CCSER1: variants seen among roughly 807,000 people sequenced by gnomAD.
The protein encoded by CCSER1 is serine-rich coiled-coil domain-containing protein 1.
Under a neutral mutation model 82.0 loss-of-function variants are expected in CCSER1, and 41 were observed. That is an observed-to-expected ratio of 0.50 (90% CI 0.39 to 0.65). CCSER1 has a LOEUF of 0.65. Among genes scored for constraint, CCSER1 ranks in the 30% least tolerant of loss-of-function variants. The pLI is 0.00. For missense variants in CCSER1, 1,119 were observed against 1,064.2 expected (o/e 1.05, Z -0.72); for synonymous variants, 414 against 383.9 (o/e 1.08, Z -0.92).
chr4:91,092,482 G>C (rs1581534229), intron 10 of CCSER1, among the ~76,000 whole-genome samples: 2 of 152,216 alleles, frequency 1.3e-5, no homozygotes, highest in South Asian at 4.1e-4. Flanking sequence ...CCATAGGCTT[G>C]TATGCCAGGA....
At chr4:90,882,711 G>A (rs1013725747) in intron 8 of CCSER1, among the ~76,000 whole-genome samples, 1 of 151,732 alleles carries the variant, frequency 6.6e-6, no homozygotes, top group Admixed American at 6.6e-5. Context: ...ACACTGAATA[G>A]CTTTTTCTAA....
At chr4:91,226,719 T>C (rs59031961) in intron 10 of CCSER1, among the ~76,000 whole-genome samples, 8,851 of 151,944 alleles carry the variant, frequency 0.058, 507 homozygotes, top group African/African-American at 0.15. Context: ...TGTCTCTTTC[T>C]CTTTTTCTTA....
At chr4:90,335,318 C>T (rs1442260725) in intron 3 of CCSER1, among the ~76,000 whole-genome samples, 1 of 152,094 alleles carries the variant, frequency 6.6e-6, no homozygotes, top group Non-Finnish European at 1.5e-5. Flanking sequence ...TTCACAAATC[C>T]AATTCATGCG....
chr4:91,422,920 A>G (rs1264393023), intron 10 of CCSER1, among the ~76,000 whole-genome samples: 1 of 152,280 alleles, frequency 6.6e-6, no homozygotes, highest in East Asian at 1.9e-4. Flanking sequence ...TTCAATGTCA[A>G]CTTTTTAACA....
intron 3 of CCSER1, among the ~76,000 whole-genome samples, chr4:90,386,468 C>G (rs551119131): frequency 2.0e-4 from 31 of 152,048 alleles, no homozygotes; most frequent in African/African-American, 7.5e-4. Flanking sequence ...GAAACTGGAT[C>G]CCTATCACTC....
chr4:91,232,109 A>G (rs1738672245), intron 10 of CCSER1, among the ~76,000 whole-genome samples: 3 of 151,872 alleles, frequency 2.0e-5, no homozygotes, highest in Admixed American at 6.6e-5. Flanking sequence ...TGGCAAGGAT[A>G]TAGAACACAC....
chr4:90,791,369 C>T (rs1334757221), intron 7 of CCSER1, among the ~76,000 whole-genome samples: 1 of 151,984 alleles, frequency 6.6e-6, no homozygotes. Flanking sequence ...AAAGAAGAGT[C>T]AACAAATGTG....
chr4:91,278,635 T>C (rs1742661079), intron 10 of CCSER1, among the ~76,000 whole-genome samples: 1 of 152,142 alleles, frequency 6.6e-6, no homozygotes, highest in Non-Finnish European at 1.5e-5. Context: ...TGTTTTTGCC[T>C]TTAGCCAGTC....
chr4:91,218,751 A>G lies in CCSER1; in HGVS notation c.2217+132757A>G, dbSNP rs79685227. Among the ~76,000 whole-genome samples, 600 of 152,310 alleles carry G rather than the reference A, an allele frequency of 3.9e-3. 2 individuals carry two copies. Among genetic ancestry groups the G allele is most frequent in the African/African-American group, 0.014 (592 of 41,570 alleles). ...CATCGATCCTTCACCCACAGTAAGA[A>G]TATCGATAATATTGCCTTGCTTATA... On this transcript the variant is annotated intron_variant, in intron 10 of 10. Coordinates refer to ENST00000509176, the MANE Select transcript of CCSER1 (RefSeq NM_001145065.2).
intron 8 of CCSER1, among the ~76,000 whole-genome samples, chr4:90,848,260 A>G (rs922910541): frequency 6.6e-6 from 1 of 152,252 alleles, no homozygotes; most frequent in Non-Finnish European, 1.5e-5. Context: ...ACTATGAGAC[A>G]GTGGAAAAAC....
In CCSER1 at chr4:90,849,809, AAAG is replaced by A. The variant is rs1398077417; in HGVS notation, c.2094+33967_2094+33969del. The stretch of plus-strand genomic sequence containing the variant: ...ATCTCATAAAAAAAAAAAAAAAAAA[AAAG>A]AAAACCCATTTTCTGAGGAGAAATT... On this transcript the variant is annotated intron_variant, in intron 8 of 10. Transcript: ENST00000509176. Among the ~76,000 whole-genome samples, 1,009 of 151,154 alleles carry A rather than the reference AAAG, an allele frequency of 6.7e-3. 12 individuals are homozygous for A. The highest frequency in any genetic ancestry group is 0.023 in the African/African-American group (955 of 40,766).
chr4:90,311,678 A>G (rs1423774688), intron 2 of CCSER1, among the ~76,000 whole-genome samples: 1 of 152,204 alleles, frequency 6.6e-6, no homozygotes, highest in Non-Finnish European at 1.5e-5. Context: ...TAAGTGTTCT[A>G]GGTGTACAAT....
intron 5 of CCSER1, among the ~76,000 whole-genome samples, chr4:90,551,678 T>TTCTCTC (rs71596530): frequency 0.016 from 1,413 of 88,464 alleles, 23 homozygotes; most frequent in South Asian, 0.025. Flanking sequence ...AAAAATATAA[T>TTCTCTC]TCTCTCTCTC....
At position 91,108,510 on chromosome 4, in the gene CCSER1, C is replaced by T. The variant is rs537404858; in HGVS notation, c.2217+22516C>T. On this transcript the variant is annotated intron_variant, in intron 10 of 10. Coordinates refer to ENST00000509176, the MANE Select transcript of CCSER1 (RefSeq NM_001145065.2). ...TCTGCCTATTAACTGATACCATTGT[C>T]AAACCAAATCATAAGTGTTCTCCTA... Among the ~76,000 whole-genome samples the T allele has an allele frequency of 3.3e-4, 51 of 152,276 alleles. 2 individuals are homozygous for T. The South Asian group carries it at 0.01, about 30-fold the overall frequency.
intron 1 of CCSER1, among the ~76,000 whole-genome samples, chr4:90,251,987 C>T (rs1040663935): frequency 7.9e-5 from 12 of 151,612 alleles, no homozygotes; most frequent in African/African-American, 2.9e-4. Context: ...CTTAATTCTG[C>T]TGGCTTTTAA....
intron 5 of CCSER1, among the ~76,000 whole-genome samples, chr4:90,595,532 T>C (rs1783225060): frequency 6.6e-6 from 1 of 151,912 alleles, no homozygotes; most frequent in South Asian, 2.1e-4. Context: ...GTTTGGGCTC[T>C]GAGACACGAT....
chr4:90,689,216 G>C (rs1210694449), intron 6 of CCSER1, among the ~76,000 whole-genome samples: 2 of 152,064 alleles, frequency 1.3e-5, no homozygotes, highest in African/African-American at 4.8e-5. Context: ...AGGGAACACA[G>C]AATTAGATCT....
chr4:90,997,672 T>C (rs1351335592), intron 9 of CCSER1, among the ~76,000 whole-genome samples: 1 of 152,208 alleles, frequency 6.6e-6, no homozygotes, highest in African/African-American at 2.4e-5. Context: ...TACACAAATG[T>C]ATATGGAGAA....
intron 6 of CCSER1, among the ~76,000 whole-genome samples, chr4:90,644,401 AGTT>A (rs1029761808): frequency 6.6e-6 from 1 of 152,144 alleles, no homozygotes; most frequent in Non-Finnish European, 1.5e-5. Flanking sequence ...GCACTCAAAA[AGTT>A]GTAGATTTTA....
Sources: gnomAD v4.1 joint callset for allele counts (sites outside exome capture counted in the v4.1 genomes callset) on GRCh38, gnomAD v4.1.1 for gene constraint, MANE v1.5 for transcripts, NCBI Gene and HGNC (gene_info 2026-07-23, HGNC 2026-07-21) for gene names.